FAM13A: variants seen among roughly 807,000 people sequenced by gnomAD.
FAM13A encodes protein FAM13A.
FAM13A carries 76 observed loss-of-function variants against 129.6 expected under a neutral mutation model. The ratio of observed to expected loss-of-function variants is 0.59; its 90% CI spans 0.49 to 0.71. FAM13A has a LOEUF of 0.71. Among genes scored for constraint, FAM13A ranks in the 30% least tolerant of loss-of-function variants. The pLI, the probability that FAM13A is intolerant of heterozygous loss-of-function variation, is 0.00. For synonymous variants in FAM13A, 443 were observed against 449.9 expected (o/e 0.98, Z 0.20); for missense variants, 1,108 against 1,249.3 (o/e 0.89, Z 1.70).
intron 14 of FAM13A, among the ~76,000 whole-genome samples, chr4:88,752,417 T>TA (rs772106312): frequency 2.6e-5 from 4 of 152,212 alleles, no homozygotes; most frequent in Non-Finnish European, 5.9e-5. Context: ...CACATTAATT[T>TA]AAAAAATTAA....
At chr4:88,830,024 G>A (rs1207923169) in intron 7 of FAM13A, among the ~76,000 whole-genome samples, 7 of 152,168 alleles carry the variant, frequency 4.6e-5, no homozygotes, top group South Asian at 2.1e-4. Flanking sequence ...GTGTGTGTGC[G>A]CATATATATA....
intron 1 of FAM13A, among the ~76,000 whole-genome samples, chr4:89,049,950 C>T (rs1771339158): frequency 6.6e-6 from 1 of 152,214 alleles, no homozygotes; most frequent in Non-Finnish European, 1.5e-5. Context: ...TTAACAACTA[C>T]TACTGTCTAG....
intron 4 of FAM13A, among the ~76,000 whole-genome samples, chr4:88,972,364 C>T (rs1399143426): frequency 2.7e-5 from 4 of 146,224 alleles, no homozygotes; most frequent in Non-Finnish European, 4.5e-5. Context: ...TGCAGTGGTG[C>T]GATCTCGCCT....
intron 4 of FAM13A, among the ~76,000 whole-genome samples, chr4:88,963,868 A>T (rs1241442995): frequency 2.0e-5 from 3 of 152,208 alleles, no homozygotes; most frequent in Non-Finnish European, 2.9e-5. Context: ...TTACTTAAGT[A>T]CCAGTGTAAA....
chr4:88,974,800 C>T (rs1760673980), intron 4 of FAM13A, among the ~76,000 whole-genome samples: 1 of 152,118 alleles, frequency 6.6e-6, no homozygotes, highest in Admixed American at 6.6e-5. Context: ...CTGCGGAATG[C>T]ACTAAAATGG....
chr4:88,813,626 A>C (rs1024550888), intron 7 of FAM13A, among the ~76,000 whole-genome samples: 1 of 152,180 alleles, frequency 6.6e-6, no homozygotes, highest in African/African-American at 2.4e-5. Flanking sequence ...ATAATTTCCC[A>C]AACTGTTAAC....
intron 7 of FAM13A, chr4:88,823,044 C>G (rs1214470653): frequency 1.2e-6 from 2 of 1,612,572 alleles, no homozygotes; most frequent in Non-Finnish European, 1.7e-6. Flanking sequence ...ACAACTGTCT[C>G]TTCCACGGCA....
At chr4:89,054,318 CGT>C (rs1771959526) in intron 1 of FAM13A, among the ~76,000 whole-genome samples, 1 of 148,908 alleles carries the variant, frequency 6.7e-6, no homozygotes, top group Non-Finnish European at 1.5e-5. Context: ...CACACACACA[CGT>C]ACGTACTACA....
chr4:88,753,164 TTTAAG>T (rs1742976490), intron 14 of FAM13A, among the ~76,000 whole-genome samples: 2 of 152,380 alleles, frequency 1.3e-5, no homozygotes, highest in African/African-American at 4.8e-5. Flanking sequence ...ATAACTCATC[TTTAAG>T]TTTTCAACTA....
chr4:88,831,800 G>A (rs1191907387), intron 7 of FAM13A, among the ~76,000 whole-genome samples: 4 of 152,096 alleles, frequency 2.6e-5, no homozygotes, highest in Admixed American at 1.3e-4. Flanking sequence ...AATCAGTATC[G>A]TGAAAATGGC....
chr4:88,931,981 G>A (rs1753104938), intron 5 of FAM13A, among the ~76,000 whole-genome samples: 1 of 152,194 alleles, frequency 6.6e-6, no homozygotes, highest in Admixed American at 6.5e-5. Context: ...TAACTCTCCT[G>A]CTGCTCAGAA....
At chr4:88,829,584 A>G (rs148733660) in intron 7 of FAM13A, among the ~76,000 whole-genome samples, 32 of 152,360 alleles carry the variant, frequency 2.1e-4, no homozygotes, top group African/African-American at 7.0e-4. Flanking sequence ...TAGTGCATAT[A>G]CAATTTAGAT....
In FAM13A at chr4:88,987,849, A is replaced by AAAAAAAAAAAAC. The variant is rs1207687700; in HGVS notation, c.605+3123_605+3124insGTTTTTTTTTTT. Reference sequence around the variant, plus strand: ...AGTGAGACTCCTCTCAAAAAAAAAAAAAAAAACTTAATCTGAATATAACTT... The same window carrying AAAAAAAAAAAAC: ...AGTGAGACTCCTCTCAAAAAAAAAAAAAAAAAAAAAACAAAAAACTTAATCTGAATATAACTT... On this transcript the variant is annotated intron_variant, in intron 4 of 23. Coordinates refer to ENST00000264344, the MANE Select transcript of FAM13A (RefSeq NM_014883.4). 1.6e-3 allele frequency among the ~76,000 whole-genome samples: 241 copies of AAAAAAAAAAAAC among 150,550 alleles called. 7 individuals carry two copies. The highest frequency in any genetic ancestry group is 5.5e-3 in the African/African-American group (225 of 40,738).
chr4:88,994,614 C>T lies in FAM13A; in HGVS notation c.428-3464G>A, dbSNP rs1048399759. Among the ~76,000 whole-genome samples the T allele has an allele frequency of 5.3e-5, 8 of 152,122 alleles. No homozygotes were observed. The South Asian group carries it at 8.3e-4, about 16-fold the overall frequency. ...CAGCACTTTAGGAGGCCAAGGTGGG[C>T]GGACTGCTTCAGCCCAGGAGTTTGA... On this transcript the variant is annotated intron_variant, in intron 3 of 23. Transcript: ENST00000264344.
Position 88,865,607 on chromosome 4 carries a change from T to C in FAM13A, c.844-14424A>G, listed in dbSNP as rs570744709. On this transcript the variant is annotated intron_variant, in intron 6 of 23. Transcript: ENST00000264344. ...CATCAATCTACAGCAATTATGCTCC[T>C]ACATTAGGAGCTGGCAAACTTTTTC... Among the ~76,000 whole-genome samples, 7 of 152,340 alleles carry C rather than the reference T, an allele frequency of 4.6e-5. No homozygotes were observed. The East Asian group carries it at 1.3e-3, about 29-fold the overall frequency.
At chr4:89,030,600 T>C (rs1474905169) in intron 1 of FAM13A, among the ~76,000 whole-genome samples, 1 of 152,094 alleles carries the variant, frequency 6.6e-6, no homozygotes, top group African/African-American at 2.4e-5. Flanking sequence ...TCACCAACAT[T>C]TAGTCACCAA....
chr4:89,042,896 C>G (rs541415234), intron 1 of FAM13A, among the ~76,000 whole-genome samples: 1 of 152,284 alleles, frequency 6.6e-6, no homozygotes, highest in East Asian at 1.9e-4. Flanking sequence ...ACTCTATGTA[C>G]TTAGTACTGT....
chr4:89,028,338 G>A (rs13109946), intron 2 of FAM13A, among the ~76,000 whole-genome samples: 2 of 151,822 alleles, frequency 1.3e-5, no homozygotes. Context: ...GCATAAGGGC[G>A]GGGGGGATTA....
intron 6 of FAM13A, among the ~76,000 whole-genome samples, chr4:88,903,465 C>T (rs1192170665): frequency 2.0e-5 from 3 of 152,070 alleles, no homozygotes; most frequent in Non-Finnish European, 4.4e-5. Context: ...GACCGAACAC[C>T]TACAATTATC....
Sources: gnomAD v4.1 joint callset for allele counts (sites outside exome capture counted in the v4.1 genomes callset) on GRCh38, gnomAD v4.1.1 for gene constraint, MANE v1.5 for transcripts, NCBI Gene and HGNC (gene_info 2026-07-23, HGNC 2026-07-21) for gene names.